The following LAMA1 variants were observed in gnomAD, a reference collection of about 807,000 sequenced individuals.
LAMA1 encodes laminin subunit alpha-1.
LAMA1 carries 219 observed loss-of-function variants against 348.7 expected under a neutral mutation model. The ratio of observed to expected loss-of-function variants is 0.63; its 90% CI spans 0.56 to 0.70. The LOEUF (loss-of-function observed/expected upper bound fraction) is 0.70, where lower values mean the gene tolerates loss of function less well. Ranked by LOEUF, LAMA1 falls within the 30% of genes least tolerant of loss-of-function variation. The pLI is 0.00. For missense variants in LAMA1, 3,744 were observed against 3,888.0 expected (o/e 0.96, Z 0.99); for synonymous variants, 1,487 against 1,491.0 (o/e 1.00, Z 0.06).
Position 7,028,627 on chromosome 18 carries a change from G to A in LAMA1, c.2275-2521C>T, listed in dbSNP as rs541830839. The stretch of plus-strand genomic sequence containing the variant: ...CTAACAATCCAGGCTGTAGAAAGGT[G>A]ATACCTACTAGACGAAATCATAGAT... On this transcript the variant is annotated intron_variant, in intron 16 of 62. Coordinates refer to ENST00000389658, the MANE Select transcript of LAMA1 (RefSeq NM_005559.4). Among the ~76,000 whole-genome samples, 5 of 152,350 alleles carry A rather than the reference G, an allele frequency of 3.3e-5. No individual in the cohort carries two copies. In the South Asian group the frequency reaches 8.3e-4, roughly 25 times the overall value.
Position 7,007,311 on chromosome 18 carries a change from G to A in LAMA1, c.4123-35C>T, listed in dbSNP as rs916875679. 7 of 1,602,594 alleles carry A rather than the reference G, an allele frequency of 4.4e-6. No homozygotes were observed. The African/African-American group carries it at 9.4e-5, about 21-fold the overall frequency. On this transcript the variant is annotated intron_variant, in intron 28 of 62. Coordinates refer to ENST00000389658, the MANE Select transcript of LAMA1 (RefSeq NM_005559.4). ...TGCAAAAGGGAGGACAAAAAAGTCT[G>A]ATTAATGAGTGAGTGAAGGACTTGA...
rs9951413 is a variant in LAMA1, at chr18:6,964,633, C to A, written c.7337+29G>T. ...GCAAGCTAATAAAGTTGGAAATCAG[C>A]GACATGAAAATTCTGCAGTTTAATA... On this transcript the variant is annotated intron_variant, in intron 51 of 62. Coordinates refer to ENST00000389658, the MANE Select transcript of LAMA1 (RefSeq NM_005559.4). The A allele has an allele frequency of 1.1e-5, 18 of 1,613,436 alleles. No homozygotes were observed. The South Asian group carries it at 2.0e-4, about 18-fold the overall frequency.
At chr18:7,077,990 G>A (rs2058176392) in intron 3 of LAMA1, among the ~76,000 whole-genome samples, 1 of 149,164 alleles carries the variant, frequency 6.7e-6, no homozygotes, top group Non-Finnish European at 1.5e-5. Context: ...CGTGAACCCG[G>A]GAGGCAGAGG....
At chr18:7,035,135 T>G (rs1382278110) in intron 13 of LAMA1, among the ~76,000 whole-genome samples, 1 of 152,104 alleles carries the variant, frequency 6.6e-6, no homozygotes, top group Non-Finnish European at 1.5e-5. Flanking sequence ...TAGCTCCAGG[T>G]GAAAGGACAT....
At position 6,971,959 on chromosome 18, in the gene LAMA1, G is replaced by A; in HGVS notation, c.6797C>T (p.Thr2266Ile). The A allele has an allele frequency of 6.2e-7, 1 of 1,614,072 alleles. No homozygotes were observed. Among genetic ancestry groups the A allele is most frequent in the Non-Finnish European group, 8.5e-7 (1 of 1,180,008 alleles). ...QIKKSPAVKV[T>I]HFKGCLGEAF... ...CTCCCCCAAGCAGCCTTTAAAATGA[G>A]TAACCTTCACAGCAGGAGATTTCTA... is the stretch of plus-strand genomic sequence containing the variant. Residue 2266 changes from threonine to isoleucine, a missense_variant, in exon 48 of 63, where the codon ACT (threonine) becomes ATT (isoleucine). Thr to Ile is a moderately conservative substitution (Grantham distance 89). This residue lies in a region of LAMA1 where 1,983 missense variants were observed against 1,934.3 expected (regional missense o/e 1.03). Transcript: ENST00000389658.
intron 16 of LAMA1, among the ~76,000 whole-genome samples, chr18:7,026,698 A>G: frequency 6.6e-6 from 1 of 151,720 alleles, no homozygotes; most frequent in East Asian, 1.9e-4. Flanking sequence ...GTATTTTTTT[A>G]AAAAAATGAT....
chr18:6,959,737 TC>T (rs1296525932), intron 53 of LAMA1: 2 of 478,086 alleles, frequency 4.2e-6, no homozygotes, highest in African/African-American at 3.9e-5. Flanking sequence ...CTGCATTGCC[TC>T]ATATTTATGG....
At chr18:7,060,551 C>T (rs2058098448) in intron 3 of LAMA1, among the ~76,000 whole-genome samples, 1 of 152,164 alleles carries the variant, frequency 6.6e-6, no homozygotes, top group Admixed American at 6.5e-5. Context: ...ATTCATGTCT[C>T]AGACAATCTA....
chr18:7,017,215 G>C, intron 20 of LAMA1, 63 bp downstream of exon 20: 6 of 1,296,076 alleles, frequency 4.6e-6, no homozygotes, highest in Non-Finnish European at 6.7e-6. Flanking sequence ...AGCTCCTTCT[G>C]AGTCATGGAT....
At chr18:6,962,760 C>T (rs1014372260) in intron 51 of LAMA1, among the ~76,000 whole-genome samples, 2 of 152,202 alleles carry the variant, frequency 1.3e-5, no homozygotes, top group Admixed American at 6.5e-5. Context: ...GATCTGACTG[C>T]TAACAAAGGA....
Position 6,947,270 on chromosome 18 carries a change from C to T in LAMA1, c.8737G>A (p.Asp2913Asn). 1 of 1,613,938 alleles carries T rather than the reference C, an allele frequency of 6.2e-7. No homozygotes were observed. The highest frequency in any genetic ancestry group is 2.2e-5 in the East Asian group (1 of 44,872). Residue 2913 changes from aspartate (D) to asparagine (N), a missense_variant, in exon 61 of 63, where the codon GAT becomes AAT. Coordinates refer to ENST00000389658, the MANE Select transcript of LAMA1 (RefSeq NM_005559.4). The part of the protein sequence containing the change: ...LVKEGYKVQS[D>N]VNITLEFRTS... Reference sequence around the variant, plus strand: ...CGAAACTCCAGTGTGATGTTCACATCTGACTGGACTTTGTAGCCCTCTTTG... The same window carrying T: ...CGAAACTCCAGTGTGATGTTCACATTTGACTGGACTTTGTAGCCCTCTTTG...
intron 16 of LAMA1, among the ~76,000 whole-genome samples, chr18:7,027,076 G>A (rs112703072): frequency 0.011 from 1,721 of 152,140 alleles, 36 homozygotes; most frequent in African/African-American, 0.038. Context: ...AAAGCCTAAG[G>A]AGACACAACA....
At chr18:7,097,502 T>C (rs1314193410) in intron 1 of LAMA1, among the ~76,000 whole-genome samples, 1 of 140,260 alleles carries the variant, frequency 7.1e-6, no homozygotes, top group African/African-American at 2.9e-5. Context: ...CAGCTGGCTT[T>C]TTTTTTTTTT....
rs188474148 is a variant in LAMA1, at chr18:7,044,318, C to T, written c.976+404G>A. 4.6e-5 allele frequency among the ~76,000 whole-genome samples: 7 copies of T among 151,718 alleles called. No homozygotes were observed. In the East Asian group the frequency reaches 5.8e-4, roughly 13 times the overall value. On this transcript the variant is annotated intron_variant, in intron 7 of 62. Coordinates refer to ENST00000389658, the MANE Select transcript of LAMA1 (RefSeq NM_005559.4). ...ACATACTAGAAAACAATAAAAAGTG[C>T]GAAGGAGGGAGATGAAGTGGAAGTC...
chr18:7,003,473 T>C (rs2057817803), intron 29 of LAMA1, among the ~76,000 whole-genome samples: 1 of 152,168 alleles, frequency 6.6e-6, no homozygotes, highest in Non-Finnish European at 1.5e-5. Context: ...TTAGCCAGGA[T>C]GGTCTCGATC....
intron 3 of LAMA1, among the ~76,000 whole-genome samples, chr18:7,078,139 A>AT (rs1555664140): frequency 0.022 from 3,056 of 140,822 alleles, 114 homozygotes; most frequent in African/African-American, 0.075. Context: ...TTCTCTTTTT[A>AT]TTTTTTTTTG....
At position 6,962,062 on chromosome 18, in the gene LAMA1, G is replaced by A; in HGVS notation, c.7338-3C>T. The A allele has an allele frequency of 6.2e-7, 1 of 1,600,312 alleles. No homozygotes were observed. The highest frequency in any genetic ancestry group is 8.6e-7 in the Non-Finnish European group (1 of 1,167,394). Reference sequence around the variant, plus strand: ...AGCTTTTGGTGGTGACACCTCTCCTGTAGGGAAGGGCATGAGAACAATCAC... The same window carrying A: ...AGCTTTTGGTGGTGACACCTCTCCTATAGGGAAGGGCATGAGAACAATCAC... On this transcript the variant is annotated splice_polypyrimidine_tract_variant and splice_region_variant and intron_variant, in intron 51 of 62. Transcript: ENST00000389658.
intron 37 of LAMA1, 47 bp from the exon 38 acceptor site, chr18:6,985,690 G>T: frequency 8.1e-7 from 1 of 1,227,504 alleles, no homozygotes. Context: ...AAGCAACCCT[G>T]CTTCTGACCT....
intron 1 of LAMA1, among the ~76,000 whole-genome samples, chr18:7,112,260 C>G (rs1211692482): frequency 1.3e-5 from 2 of 152,048 alleles, no homozygotes; most frequent in Non-Finnish European, 1.5e-5. Flanking sequence ...GAAAAGTTTG[C>G]AAGTACATAC....
Sources: gnomAD v4.1 joint callset for allele counts (sites outside exome capture counted in the v4.1 genomes callset) on GRCh38, gnomAD v4.1.1 for gene constraint, gnomAD v4.1.1 regional missense constraint, MANE v1.5 for transcripts, NCBI Gene and HGNC (gene_info 2026-07-23, HGNC 2026-07-21) for gene names.